Variants in NKD1 observed in about 807,000 individuals in gnomAD.
NKD1 encodes the protein NKD inhibitor of Wnt signaling pathway 1.
NKD1 carries 21 observed loss-of-function variants against 56.0 expected under a neutral mutation model. The ratio of observed to expected loss-of-function variants is 0.38; its 90% confidence interval spans 0.27 to 0.54. The LOEUF is 0.54. Among genes scored for constraint, NKD1 ranks in the 20% least tolerant of loss-of-function variants. The pLI, the probability that NKD1 is intolerant of heterozygous loss-of-function variation, is 0.82. For missense variants in NKD1, 578 were observed against 642.7 expected, an observed-to-expected ratio of 0.90 and a Z score of 1.09; for synonymous variants, 263 against 265.7, an observed-to-expected ratio of 0.99 and a Z score of 0.10.
chr16:50,617,760 A>G (rs1197538255), intron 4 of NKD1, among the ~76,000 whole-genome samples: 2 of 152,192 alleles, frequency 1.3e-5, no homozygotes, highest in Non-Finnish European at 1.5e-5. Flanking sequence ...CAGCCACTGT[A>G]TGGTTGGGCA....
At chr16:50,577,697 G>A (rs182322010) in intron 3 of NKD1, among the ~76,000 whole-genome samples, 1 of 152,198 alleles carries the variant, frequency 6.6e-6, no homozygotes, top group Non-Finnish European at 1.5e-5. Context: ...GGCAACCACC[G>A]TTCCACTCTG....
chr16:50,588,771 T>G (rs1333047213), intron 3 of NKD1, among the ~76,000 whole-genome samples: 1 of 151,854 alleles, frequency 6.6e-6, no homozygotes, highest in Non-Finnish European at 1.5e-5. Flanking sequence ...GCCCGGCTAA[T>G]TTTTGTATTT....
intron 3 of NKD1, among the ~76,000 whole-genome samples, chr16:50,579,845 C>G (rs1961078173): frequency 1.3e-5 from 2 of 152,122 alleles, no homozygotes; most frequent in Admixed American, 6.5e-5. Flanking sequence ...GCACTCTAAC[C>G]TGCCATGCAT....
rs919037835 is a variant in NKD1 at position 50,645,157 on chromosome 16, C to A, written c.*11376C>A. The A allele has an allele frequency of 3.9e-5, 6 of 152,144 alleles. No individual in the cohort carries two copies. The highest frequency in any genetic ancestry group is 3.9e-4 in the Admixed American group (6 of 15,266). 9.4% of individuals were successfully genotyped at this position (152,144 alleles called of 1,614,324 possible). On this transcript the variant is annotated 3_prime_UTR_variant, in exon 10 of 10. Transcript: ENST00000268459. ...TGTGTCAGGAACCATGCTCAGCACT[C>A]GATAAAACAGACATCATCTCTACCT...
chr16:50,589,772 CT>C (rs1961321026), intron 3 of NKD1, among the ~76,000 whole-genome samples: 7 of 90,104 alleles, frequency 7.8e-5, no homozygotes, highest in Non-Finnish European at 1.4e-4. Flanking sequence ...CTCTCCTCTC[CT>C]CTCCTCTCCT....
At chr16:50,560,175 T>C (rs1960592061) in intron 3 of NKD1, among the ~76,000 whole-genome samples, 2 of 152,226 alleles carry the variant, frequency 1.3e-5, no homozygotes, top group Non-Finnish European at 2.9e-5. Flanking sequence ...AAAGTTGCCT[T>C]TTCAGCGGGC....
chr16:50,577,093 T>C (rs376763405), intron 3 of NKD1, among the ~76,000 whole-genome samples: 8 of 152,116 alleles, frequency 5.3e-5, no homozygotes, highest in African/African-American at 1.9e-4. Flanking sequence ...TCAGAGCAGG[T>C]TGGGTTGGTG....
At chr16:50,570,765 C>T (rs1960864032) in intron 3 of NKD1, 1 of 974,584 alleles carries the variant, frequency 1.0e-6, no homozygotes, top group Non-Finnish European at 1.2e-6. Context: ...AGGACTTCCA[C>T]TCCCAGGATC....
chr16:50,579,041 C>T (rs938682581), intron 3 of NKD1, among the ~76,000 whole-genome samples: 44 of 152,270 alleles, frequency 2.9e-4, no homozygotes, highest in Middle Eastern at 3.4e-3. Context: ...CCACTATACA[C>T]GCACTCTAAC....
intron 3 of NKD1, among the ~76,000 whole-genome samples, chr16:50,600,620 CGCG>C (rs1961573965): frequency 6.6e-6 from 1 of 152,146 alleles, no homozygotes; most frequent in Admixed American, 6.5e-5. Flanking sequence ...TGGAGGAAGG[CGCG>C]ACCATGGCAT....
intron 5 of NKD1, among the ~76,000 whole-genome samples, chr16:50,622,162 A>G (rs565427405): frequency 6.6e-6 from 1 of 152,328 alleles, no homozygotes; most frequent in South Asian, 2.1e-4. Flanking sequence ...GAGTTTCCCC[A>G]TGTGGGCACC....
rs111897825 is a variant in NKD1 at position 50,630,902 on chromosome 16, C to T, written c.687C>T (p.Ala229=). 8.8e-6 allele frequency: 14 copies of T among 1,592,176 alleles called. No individual in the cohort carries two copies. The African/African-American group carries it at 1.1e-4, about 12-fold the overall frequency. Residue 229 remains alanine (A), a synonymous_variant, in exon 8 of 10, where the codon GCC becomes GCT. Coordinates refer to ENST00000268459, the MANE Select transcript of NKD1 (RefSeq NM_033119.5). ...GGAGCTGGGAGAAGAAGCAGCGAGC[C>T]CCGCTCAGGTATGTGGGCATGGTGC... ...DLRSWEKKQR[A]PLRFQGDSRL...
chr16:50,580,101 C>T (rs1251323816), intron 3 of NKD1, among the ~76,000 whole-genome samples: 1 of 152,196 alleles, frequency 6.6e-6, no homozygotes, highest in Non-Finnish European at 1.5e-5. Flanking sequence ...ACTAAGCATG[C>T]ACCCCAACCC....
chr16:50,625,956 C>T (rs1962203587), intron 6 of NKD1, among the ~76,000 whole-genome samples: 1 of 152,248 alleles, frequency 6.6e-6, no homozygotes, highest in Non-Finnish European at 1.5e-5. Context: ...GTGGGGCTGG[C>T]ACCACCACAG....
intron 3 of NKD1, among the ~76,000 whole-genome samples, chr16:50,587,780 G>T (rs1961262168): frequency 6.6e-6 from 1 of 152,204 alleles, no homozygotes. Flanking sequence ...ACTACAGGAG[G>T]TGAGCGTCTG....
At chr16:50,582,482 G>A (rs1448911611) in intron 3 of NKD1, among the ~76,000 whole-genome samples, 1 of 152,174 alleles carries the variant, frequency 6.6e-6, no homozygotes, top group Non-Finnish European at 1.5e-5. Flanking sequence ...GTATGTGCAG[G>A]GAGAGGAACA....
intron 3 of NKD1, among the ~76,000 whole-genome samples, chr16:50,585,847 C>G (rs1272032969): frequency 1.3e-5 from 2 of 152,178 alleles, no homozygotes; most frequent in African/African-American, 2.4e-5. Flanking sequence ...ACGTGCTGAT[C>G]ACTGTGTGTT....
At chr16:50,613,461 CGCCGGCT>C (rs1961893016) in intron 4 of NKD1, 1 of 152,144 alleles carries the variant, frequency 6.6e-6, no homozygotes, top group African/African-American at 2.4e-5. Flanking sequence ...GCCCATGCCC[CGCCGGCT>C]CCTCTCCCTC....
intron 6 of NKD1, among the ~76,000 whole-genome samples, chr16:50,625,947 T>G (rs1962203459): frequency 6.6e-6 from 1 of 151,916 alleles, no homozygotes; most frequent in Admixed American, 6.6e-5. Context: ...GCTCTAGGGG[T>G]GGGGCTGGCA....
Sources: allele counts gnomAD v4.1 joint callset (sites outside exome capture counted in the v4.1 genomes callset), GRCh38; gene constraint gnomAD v4.1.1; transcripts MANE v1.5; gene names NCBI Gene and HGNC (gene_info 2026-07-23, HGNC 2026-07-21).